DGCR6L: variants seen among roughly 807,000 people sequenced by gnomAD.
DGCR6L encodes the protein DiGeorge syndrome critical region gene 6 like.
A neutral mutation model predicts 31.1 loss-of-function variants in DGCR6L; 24 were observed. That is an observed-to-expected ratio of 0.77 (90% CI 0.56 to 1.08). The LOEUF is 1.08. DGCR6L is among the 50% of genes least tolerant of loss of function. DGCR6L has a pLI of 0.00. For missense variants in DGCR6L, 218 were observed against 287.1 expected, an observed-to-expected ratio of 0.76 and a Z score of 1.74; for synonymous variants, 104 against 126.1, an observed-to-expected ratio of 0.82 and a Z score of 1.17.
intron 2 of DGCR6L, among the ~76,000 whole-genome samples, chr22:20,319,409 C>G (rs1240327317): frequency 6.6e-6 from 1 of 152,256 alleles, no homozygotes; most frequent in African/African-American, 2.4e-5. Context: ...GAAGCCCGAA[C>G]AGGGAGTTTC....
chr22:20,318,554 T>C (rs2051585737), intron 2 of DGCR6L: 1 of 152,240 alleles, frequency 6.6e-6, no homozygotes, highest in African/African-American at 2.4e-5. Flanking sequence ...TTGGACTGGA[T>C]CCTTACTTAT....
rs1055412939 is a variant in DGCR6L, at chr22:20,314,607, G to A, written c.*68C>T. Reference sequence around the variant, plus strand: ...CTCCTCAGCAGGGGGAACCCCCTGCGGGCAGCTGGGAAGGCAGTGGCCAAA... The same window carrying A: ...CTCCTCAGCAGGGGGAACCCCCTGCAGGCAGCTGGGAAGGCAGTGGCCAAA... On this transcript the variant is annotated 3_prime_UTR_variant, in exon 5 of 5. Transcript: ENST00000248879. 8.7e-5 allele frequency: 131 copies of A among 1,504,976 alleles called. 1 individual carries two copies. Among genetic ancestry groups the A allele is most frequent in the Non-Finnish European group, 1.1e-4 (120 of 1,125,194 alleles). The allele number at this position is 1,504,976 out of a possible 1,614,324, so 93.2% of individuals were successfully genotyped here.
intron 2 of DGCR6L, 75 bp downstream of exon 2, chr22:20,319,564 C>G: frequency 6.4e-7 from 1 of 1,565,068 alleles, no homozygotes; most frequent in Non-Finnish European, 8.7e-7. Context: ...AGGAGCTGAT[C>G]TGCACAGATA....
intron 2 of DGCR6L, among the ~76,000 whole-genome samples, 173 bp from the exon 3 acceptor site, chr22:20,316,392 A>C (rs995732132): frequency 6.6e-6 from 1 of 152,156 alleles, no homozygotes; most frequent in Non-Finnish European, 1.5e-5. Context: ...CCGGGCCCTT[A>C]TCTGGTGGCA....
intron 2 of DGCR6L, among the ~76,000 whole-genome samples, chr22:20,317,365 C>G (rs1289805293): frequency 1.3e-5 from 2 of 152,284 alleles, no homozygotes; most frequent in Non-Finnish European, 2.9e-5. Flanking sequence ...CCAGATTCCA[C>G]TAGATAGACA....
intron 2 of DGCR6L, among the ~76,000 whole-genome samples, chr22:20,319,320 C>T (rs1463355683): frequency 6.6e-6 from 1 of 152,252 alleles, no homozygotes; most frequent in Non-Finnish European, 1.5e-5. Flanking sequence ...GCAGTCAGCG[C>T]CACCACCAGA....
chr22:20,316,249 G>A (rs752138469), intron 2 of DGCR6L, 30 bp from the exon 3 acceptor site: 19 of 1,568,146 alleles, frequency 1.2e-5, no homozygotes, highest in Middle Eastern at 2.1e-4. Context: ...GTCAGCAGGC[G>A]GTGGGACTCG....
intron 2 of DGCR6L, 27 bp from the exon 3 acceptor site, chr22:20,316,246 G>A: frequency 6.3e-7 from 1 of 1,576,412 alleles, no homozygotes; most frequent in East Asian, 2.3e-5. Context: ...CCCGTCAGCA[G>A]GCGGTGGGAC....
intron 4 of DGCR6L, 132 bp from the exon 5 acceptor site, chr22:20,314,956 G>C (rs1334756503): frequency 3.3e-6 from 5 of 1,537,622 alleles, no homozygotes; most frequent in Non-Finnish European, 4.4e-6. Flanking sequence ...GCCAGGACAG[G>C]GTGGAATCTG....
At chr22:20,318,024 C>T (rs1001782404) in intron 2 of DGCR6L, 9 of 237,584 alleles carry the variant, frequency 3.8e-5, no homozygotes, top group Non-Finnish European at 4.3e-5. Flanking sequence ...CTATAGACCA[C>T]AGTTTATCAT....
Position 20,314,357 on chromosome 22 carries a change from G to C in DGCR6L, c.*318C>G, listed in dbSNP as rs2051555042. On this transcript the variant is annotated 3_prime_UTR_variant, in exon 5 of 5. Transcript: ENST00000248879. ...GAGCCTCTTCTGCATGGGGGCTGCA[G>C]CTGCCAAGGGAGCGGCTGAGACCAG... 3.2e-6 allele frequency: 1 copy of C among 309,252 alleles called. No homozygotes were observed. The highest frequency in any genetic ancestry group is 6.0e-6 in the Non-Finnish European group (1 of 167,926). The allele number at this position is 309,252 out of a possible 1,614,324, so 19.2% of individuals were successfully genotyped here.
In DGCR6L at chr22:20,319,633, G is replaced by A. The variant is rs1339036638; in HGVS notation, c.271+6C>T. On this transcript the variant is annotated splice_donor_region_variant and intron_variant, in intron 2 of 4. Coordinates refer to ENST00000248879, the MANE Select transcript of DGCR6L (RefSeq NM_033257.4). Reference sequence around the variant, plus strand: ...GGCGGCACCTCATCCCGCTGCCCCCGCGCACCTCGGTGCTCGTTCTGTAGG... The same window carrying A: ...GGCGGCACCTCATCCCGCTGCCCCCACGCACCTCGGTGCTCGTTCTGTAGG... The A allele has an allele frequency of 6.2e-7, 1 of 1,610,688 alleles. No homozygotes were observed. The highest frequency in any genetic ancestry group is 2.2e-5 in the East Asian group (1 of 44,860).
chr22:20,320,025 A>T lies in DGCR6L; in HGVS notation c.-37T>A. On this transcript the variant is annotated 5_prime_UTR_variant, in exon 1 of 5. Coordinates refer to ENST00000248879, the MANE Select transcript of DGCR6L (RefSeq NM_033257.4). Reference sequence around the variant, plus strand: ...CCGCTAGCCGCCGGCGGCGGCGACGAGCTCCCCCAGCTTCACGACATCCCG... The same window carrying T: ...CCGCTAGCCGCCGGCGGCGGCGACGTGCTCCCCCAGCTTCACGACATCCCG... The T allele has an allele frequency of 2.7e-6, 4 of 1,499,706 alleles. No individual in the cohort carries two copies. Among genetic ancestry groups the T allele is most frequent in the Non-Finnish European group, 3.5e-6 (4 of 1,129,724 alleles). The allele number at this position is 1,499,706 out of a possible 1,614,324, so 92.9% of individuals were successfully genotyped here.
rs759806219 is a variant in DGCR6L at position 20,319,808 on chromosome 22, A to AG, written c.111-10dup. 4.4e-6 allele frequency: 7 copies of AG among 1,605,854 alleles called. No homozygotes were observed. The highest frequency in any genetic ancestry group is 1.1e-5 in the South Asian group (1 of 90,232). On this transcript the variant is annotated splice_polypyrimidine_tract_variant and intron_variant, in intron 1 of 4. Transcript: ENST00000248879. ...GGCGCTGCTGGAAAGAGCTGCGGGTAGGGGGGCGCGGTGAGCCCCGGCGGG... is the reference window on the plus strand; with the variant it reads ...GGCGCTGCTGGAAAGAGCTGCGGGTAGGGGGGGCGCGGTGAGCCCCGGCGGG...
chr22:20,317,861 T>A (rs944492921), intron 2 of DGCR6L, among the ~76,000 whole-genome samples: 4 of 152,190 alleles, frequency 2.6e-5, no homozygotes, highest in African/African-American at 9.6e-5. Context: ...CAATAAAAAA[T>A]TTTAAAAAGA....
At chr22:20,318,021 C>T (rs1299372155) in intron 2 of DGCR6L, 1 of 244,920 alleles carries the variant, frequency 4.1e-6, no homozygotes, top group Non-Finnish European at 8.3e-6. Flanking sequence ...AAACTATAGA[C>T]CACAGTTTAT....
chr22:20,316,102 G>C lies in DGCR6L; in HGVS notation c.372+17C>G. The C allele has an allele frequency of 1.3e-6, 2 of 1,594,220 alleles. No individual in the cohort carries two copies. Among genetic ancestry groups the C allele is most frequent in the Non-Finnish European group, 8.5e-7 (1 of 1,170,752 alleles). ...ACAGGAGAGCTGGGCCGGCCACCCT[G>C]CCTGCGCCCCCAGTACCTCTAGTTC... is the stretch of plus-strand genomic sequence containing the variant. On this transcript the variant is annotated intron_variant, in intron 3 of 4. Transcript: ENST00000248879.
At chr22:20,317,510 T>G (rs751704458) in intron 2 of DGCR6L, among the ~76,000 whole-genome samples, 5 of 152,360 alleles carry the variant, frequency 3.3e-5, no homozygotes, top group African/African-American at 1.2e-4. Context: ...AGAAAGTCAA[T>G]GCAGGCATGC....
At chr22:20,319,552 G>A in intron 2 of DGCR6L, 87 bp downstream of exon 2, 1 of 1,523,440 alleles carries the variant, frequency 6.6e-7, no homozygotes, top group Non-Finnish European at 8.8e-7. Context: ...CACTTCCAAG[G>A]AAGGAGCTGA....
Sources: gnomAD v4.1 joint callset for allele counts (sites outside exome capture counted in the v4.1 genomes callset) on GRCh38, gnomAD v4.1.1 for gene constraint, MANE v1.5 for transcripts, NCBI Gene and HGNC (gene_info 2026-07-23, HGNC 2026-07-21) for gene names.